PDE9A: variants seen among roughly 807,000 people sequenced by gnomAD.
The protein encoded by PDE9A is high affinity cGMP-specific 3',5'-cyclic phosphodiesterase 9A.
Under a neutral mutation model 87.4 loss-of-function variants are expected in PDE9A, and 60 were observed. That is an observed-to-expected ratio of 0.69 (90% CI 0.56 to 0.85). The LOEUF (loss-of-function observed/expected upper bound fraction) is 0.85, where lower values mean the gene tolerates loss of function less well. Ranked by LOEUF, PDE9A falls within the 40% of genes least tolerant of loss-of-function variation. The pLI is 0.00. For synonymous variants in PDE9A, 272 were observed against 279.4 expected (o/e 0.97, Z 0.27); for missense variants, 665 against 779.0 (o/e 0.85, Z 1.74).
chr21:42,772,074 G>C (rs1190114465), intron 18 of PDE9A, among the ~76,000 whole-genome samples: 1 of 151,234 alleles, frequency 6.6e-6, no homozygotes, highest in East Asian at 1.9e-4. Flanking sequence ...GGGATAGTAG[G>C]GTTCCTTAAG....
At chr21:42,672,288 G>A (rs1253372979) in intron 1 of PDE9A, among the ~76,000 whole-genome samples, 1 of 151,124 alleles carries the variant, frequency 6.6e-6, no homozygotes, top group Non-Finnish European at 1.5e-5. Flanking sequence ...CCTGGAGCAG[G>A]GCCAGGCCGG....
At chr21:42,770,908 C>T in intron 18 of PDE9A, 110 bp downstream of exon 18, 3 of 761,622 alleles carry the variant, frequency 3.9e-6, no homozygotes, top group Admixed American at 4.1e-5. Flanking sequence ...CACTGAAGGC[C>T]CCGTGGACAG....
chr21:42,760,921 T>A lies in PDE9A; in HGVS notation c.1085+14T>A. 6.4e-7 allele frequency: 1 copy of A among 1,571,760 alleles called. No individual in the cohort carries two copies. The highest frequency in any genetic ancestry group is 1.1e-5 in the South Asian group (1 of 90,190). ...CTACAACAACACGTATGTACAGGAT[T>A]TTCTCTTTTTTTCCTTTTAAAAGGC... On this transcript the variant is annotated intron_variant, in intron 13 of 19. Transcript: ENST00000291539. The surrounding 1 kb of genome is among the most constrained non-coding windows in gnomAD (Gnocchi z 5.2).
chr21:42,693,927 C>A (rs903722405), intron 3 of PDE9A, among the ~76,000 whole-genome samples: 2 of 152,020 alleles, frequency 1.3e-5, no homozygotes, highest in African/African-American at 4.8e-5. Flanking sequence ...CAGTTGATGC[C>A]CAGACCCCTC....
At chr21:42,735,307 A>G (rs955499103) in intron 7 of PDE9A, among the ~76,000 whole-genome samples, 6 of 152,212 alleles carry the variant, frequency 3.9e-5, no homozygotes, top group African/African-American at 7.2e-5. Context: ...CACTGGCTAC[A>G]GGTTCAAAAT....
At chr21:42,727,303 T>C (rs1056162006) in intron 4 of PDE9A, among the ~76,000 whole-genome samples, 9 of 151,980 alleles carry the variant, frequency 5.9e-5, no homozygotes, top group African/African-American at 2.2e-4. Flanking sequence ...AGGGGCATTT[T>C]TGAGTGACTG....
intron 7 of PDE9A, among the ~76,000 whole-genome samples, chr21:42,742,294 G>A (rs539135412): frequency 2.6e-5 from 4 of 152,120 alleles, no homozygotes; most frequent in South Asian, 4.2e-4. Context: ...ACCCAGTGCC[G>A]GCTGTGCGGG....
intron 8 of PDE9A, among the ~76,000 whole-genome samples, chr21:42,747,415 A>G (rs1396741224): frequency 2.0e-5 from 3 of 152,220 alleles, no homozygotes; most frequent in Non-Finnish European, 4.4e-5. Flanking sequence ...GAGCTAGCTC[A>G]GCCCCGTGCC....
At chr21:42,657,675 A>G (rs2057183679) in intron 1 of PDE9A, among the ~76,000 whole-genome samples, 1 of 152,114 alleles carries the variant, frequency 6.6e-6, no homozygotes, top group African/African-American at 2.4e-5. Flanking sequence ...AATCTTCCGA[A>G]TCGGGGAAGA....
intron 1 of PDE9A, among the ~76,000 whole-genome samples, chr21:42,655,489 G>A (rs140219718): frequency 6.6e-6 from 1 of 152,128 alleles, no homozygotes; most frequent in African/African-American, 2.4e-5. Flanking sequence ...CGCTGAGGTT[G>A]GGGTGATCTC....
chr21:42,702,215 C>T lies in PDE9A; in HGVS notation c.262+3204C>T, dbSNP rs1258575627. 4.6e-5 allele frequency among the ~76,000 whole-genome samples: 7 copies of T among 151,864 alleles called. No homozygotes were observed. Among genetic ancestry groups the T allele is most frequent in the Non-Finnish European group, 1.0e-4 (7 of 67,970 alleles). On this transcript the variant is annotated intron_variant, in intron 4 of 19. Coordinates refer to ENST00000291539, the MANE Select transcript of PDE9A (RefSeq NM_002606.3). The surrounding 1 kb of genome is among the most constrained non-coding windows in gnomAD (Gnocchi z 4.9). ...GACTTTTCCGTGACGTCTTCCATTG[C>T]ACTGGTCTTCCCTCCTGCAGTATCT...
chr21:42,686,403 C>A (rs2059477172), intron 2 of PDE9A, 141 bp downstream of exon 2: 1 of 649,204 alleles, frequency 1.5e-6, no homozygotes, highest in Non-Finnish European at 2.7e-6. Flanking sequence ...TCAATCAATG[C>A]GCAGAATCCC....
rs886382231 is a variant in PDE9A, at chr21:42,759,811, ATGTG to A, written c.898-508_898-505del. 1.6e-5 allele frequency among the ~76,000 whole-genome samples: 2 copies of A among 124,694 alleles called. No homozygotes were observed. The highest frequency in any genetic ancestry group is 2.7e-4 in the South Asian group (1 of 3,654). The allele number at this position is 124,694 out of a possible 152,430, so 81.8% of individuals were successfully genotyped here. On this transcript the variant is annotated intron_variant, in intron 11 of 19. Transcript: ENST00000291539. This position sits in a 1 kb window ranked among gnomAD's most constrained non-coding sequence, Gnocchi z 7.2. ...GGGGTGTGTGAGGGTGGATGTGTGC[ATGTG>A]TGTGTGTGGATGTGGGGTGTGTGAG... is the stretch of plus-strand genomic sequence containing the variant.
chr21:42,770,205 G>A (rs1346287441), intron 17 of PDE9A, among the ~76,000 whole-genome samples: 3 of 150,750 alleles, frequency 2.0e-5, no homozygotes, highest in African/African-American at 4.9e-5. Context: ...GTGGCCCCCT[G>A]CCAAGGCCCC....
intron 1 of PDE9A, among the ~76,000 whole-genome samples, chr21:42,654,997 A>G (rs765878638): frequency 6.6e-6 from 1 of 151,972 alleles, no homozygotes; most frequent in African/African-American, 2.4e-5. Context: ...CAGGTCCCTG[A>G]CTCCAGGACT....
At chr21:42,685,377 G>A (rs1290204125) in intron 1 of PDE9A, among the ~76,000 whole-genome samples, 1 of 152,198 alleles carries the variant, frequency 6.6e-6, no homozygotes, top group African/African-American at 2.4e-5. Flanking sequence ...GGGCGCCCAG[G>A]ATCCTCAACG....
intron 1 of PDE9A, among the ~76,000 whole-genome samples, chr21:42,664,682 G>A (rs146525754): frequency 3.1e-3 from 466 of 152,196 alleles, no homozygotes; most frequent in African/African-American, 8.8e-3. Context: ...AGGGAGGGAG[G>A]GGGTTCCATT....
Position 42,704,470 on chromosome 21 carries a change from A to ACACACACACACG in PDE9A, c.262+5459_262+5460insCACACACACACG, listed in dbSNP as rs2048655273. Among the ~76,000 whole-genome samples, 1 of 149,244 alleles carries ACACACACACACG rather than the reference A, an allele frequency of 6.7e-6. No homozygotes were observed. Among genetic ancestry groups the ACACACACACACG allele is most frequent in the African/African-American group, 2.5e-5 (1 of 40,306 alleles). ...CACACACACACACACACACACACACAGCTTTCCTGAGAAATGTGTTTACAG... is the reference window on the plus strand; with the variant it reads ...CACACACACACACACACACACACACACACACACACACGGCTTTCCTGAGAAATGTGTTTACAG... On this transcript the variant is annotated intron_variant, in intron 4 of 19. Transcript: ENST00000291539. This position sits in a 1 kb window ranked among gnomAD's most constrained non-coding sequence, Gnocchi z 5.3.
Position 42,743,872 on chromosome 21 carries a change from G to C in PDE9A, c.653+12G>C. On this transcript the variant is annotated intron_variant, in intron 8 of 19. Coordinates refer to ENST00000291539, the MANE Select transcript of PDE9A (RefSeq NM_002606.3). The stretch of plus-strand genomic sequence containing the variant: ...GCCAGAAGCAGCAGGTAGGGTCTGC[G>C]CTGGGGCCACGGGCGGCCGGGCCTG... 5 of 1,537,280 alleles carry C rather than the reference G, an allele frequency of 3.3e-6. No individual in the cohort carries two copies. Among genetic ancestry groups the C allele is most frequent in the Non-Finnish European group, 4.4e-6 (5 of 1,128,842 alleles).
Sources: gnomAD v4.1 joint callset for allele counts (sites outside exome capture counted in the v4.1 genomes callset) on GRCh38, gnomAD v4.1.1 for gene constraint, Gnocchi (gnomAD v3.1) non-coding constraint, MANE v1.5 for transcripts, NCBI Gene and HGNC (gene_info 2026-07-23, HGNC 2026-07-21) for gene names.